Variants in RBMS3 observed in about 807,000 individuals in gnomAD.
The protein encoded by RBMS3 is RNA binding motif single stranded interacting protein 3, also known as RNA-binding motif, single-stranded-interacting protein 3.
Under a neutral mutation model 66.8 loss-of-function variants are expected in RBMS3, and 27 were observed. The ratio of observed to expected loss-of-function variants is 0.40; its 90% CI spans 0.30 to 0.56. RBMS3 has a LOEUF of 0.56. Ranked by LOEUF, RBMS3 falls within the 20% of genes least tolerant of loss-of-function variation. The probability of loss-of-function intolerance (pLI) is 0.40; values close to 1 mark genes in which losing one functional copy is unlikely to be tolerated. For missense variants in RBMS3, 513 were observed against 549.5 expected, an observed-to-expected ratio of 0.93 and a Z score of 0.66; for synonymous variants, 188 against 183.0, an observed-to-expected ratio of 1.03 and a Z score of -0.22.
chr3:29,831,346 T>C (rs1233433859), intron 6 of RBMS3, among the ~76,000 whole-genome samples: 2 of 152,182 alleles, frequency 1.3e-5, no homozygotes, highest in Non-Finnish European at 2.9e-5. Flanking sequence ...CCTTGGTCAT[T>C]GTCCCACATG....
At chr3:29,679,684 G>C (rs772651177) in intron 4 of RBMS3, among the ~76,000 whole-genome samples, 55 of 151,756 alleles carry the variant, frequency 3.6e-4, no homozygotes, top group African/African-American at 1.3e-3. Context: ...TCCCAAGCCA[G>C]TCTAGAGGAT....
intron 2 of RBMS3, among the ~76,000 whole-genome samples, chr3:29,452,174 A>G (rs2042038336): frequency 1.3e-5 from 2 of 152,158 alleles, no homozygotes; most frequent in East Asian, 1.9e-4. Flanking sequence ...TGTACAATAT[A>G]TGGCTCCCTC....
intron 3 of RBMS3, among the ~76,000 whole-genome samples, chr3:29,547,447 A>G (rs2046001233): frequency 6.6e-6 from 1 of 152,090 alleles, no homozygotes; most frequent in Non-Finnish European, 1.5e-5. Flanking sequence ...TCTATCAATC[A>G]GTTCCATTAA....
At chr3:29,620,902 T>A (rs767611475) in intron 4 of RBMS3, among the ~76,000 whole-genome samples, 22 of 152,188 alleles carry the variant, frequency 1.4e-4, no homozygotes, top group Non-Finnish European at 2.9e-4. Context: ...ATTAACCAAT[T>A]ACTTTATTAT....
At chr3:29,936,055 A>G (rs759608778) in intron 10 of RBMS3, 31 bp from the exon 11 acceptor site, 2 of 1,546,372 alleles carry the variant, frequency 1.3e-6, no homozygotes, top group East Asian at 2.3e-5. Flanking sequence ...TGTAGGATAT[A>G]TTTTCAAATG....
intron 5 of RBMS3, among the ~76,000 whole-genome samples, chr3:29,751,834 G>A (rs1160956915): frequency 6.6e-6 from 1 of 152,198 alleles, no homozygotes; most frequent in Non-Finnish European, 1.5e-5. Flanking sequence ...ACGCAGGTGA[G>A]CTGGTGCAGG....
intron 1 of RBMS3, among the ~76,000 whole-genome samples, chr3:29,339,435 G>A (rs1471007398): frequency 6.6e-6 from 1 of 152,134 alleles, no homozygotes; most frequent in Admixed American, 6.6e-5. Context: ...CTGAATTTCT[G>A]ATATTTTGTT....
intron 6 of RBMS3, among the ~76,000 whole-genome samples, chr3:29,804,933 G>A (rs2057499119): frequency 1.2e-5 from 1 of 86,692 alleles, no homozygotes; most frequent in Admixed American, 1.2e-4. Context: ...GTGTGTGTGT[G>A]TGTGTGTGTG....
At chr3:29,859,439 C>G (rs1577013392) in intron 6 of RBMS3, among the ~76,000 whole-genome samples, 1 of 152,294 alleles carries the variant, frequency 6.6e-6, no homozygotes, top group East Asian at 1.9e-4. Flanking sequence ...TTGGAGAAAG[C>G]GTTCACTTAG....
intron 6 of RBMS3, among the ~76,000 whole-genome samples, chr3:29,830,121 A>G (rs974682318): frequency 2.0e-5 from 3 of 151,850 alleles, no homozygotes; most frequent in African/African-American, 7.3e-5. Context: ...TATAGTGCAG[A>G]TATTTTTAGT....
At chr3:29,408,604 T>A (rs13099074) in intron 1 of RBMS3, among the ~76,000 whole-genome samples, 26,646 of 152,178 alleles carry the variant, frequency 0.18, 2,862 homozygotes, top group Non-Finnish European at 0.25. Flanking sequence ...AGGCACAGAC[T>A]TCTGACTCTC....
chr3:29,869,001 G>T (rs1287845614), intron 7 of RBMS3, 37 bp downstream of exon 7: 22 of 1,516,918 alleles, frequency 1.5e-5, no homozygotes, highest in Non-Finnish European at 1.9e-5. Flanking sequence ...CTGAAATTTG[G>T]CAGTAGATAT....
At position 30,005,551 on chromosome 3, in the gene RBMS3, A is replaced by G. The variant is rs1699783591; in HGVS notation, c.*1689A>G. ...TGAAATGGTGAGTGGTCTCCTGGAA[A>G]GGTCTCATTGTATTTGAACAATAGT... On this transcript the variant is annotated 3_prime_UTR_variant, in exon 15 of 15. Transcript: ENST00000383767. 1 of 151,908 alleles carries G rather than the reference A, an allele frequency of 6.6e-6. No individual in the cohort carries two copies. The highest frequency in any genetic ancestry group is 1.9e-4 in the East Asian group (1 of 5,182). The allele number at this position is 151,908 out of a possible 1,614,324, so 9.4% of individuals were successfully genotyped here.
At chr3:29,552,508 GT>G (rs1386773129) in intron 3 of RBMS3, among the ~76,000 whole-genome samples, 1 of 152,054 alleles carries the variant, frequency 6.6e-6, no homozygotes, top group Non-Finnish European at 1.5e-5. Context: ...CAGAGGAAGC[GT>G]TATATTTCTC....
intron 1 of RBMS3, among the ~76,000 whole-genome samples, chr3:29,356,669 T>A (rs1483982021): frequency 2.0e-5 from 3 of 152,200 alleles, no homozygotes; most frequent in Non-Finnish European, 4.4e-5. Context: ...AAGTTAGTAG[T>A]GTTTACACAT....
chr3:29,831,912 G>A (rs2371819), intron 6 of RBMS3, among the ~76,000 whole-genome samples: 76,303 of 151,816 alleles, frequency 0.5, 19,600 homozygotes, highest in Non-Finnish European at 0.55. Context: ...ATAAGATACA[G>A]TTTTTATATA....
chr3:29,468,826 C>G (rs146204359), intron 2 of RBMS3, among the ~76,000 whole-genome samples: 180 of 151,926 alleles, frequency 1.2e-3, no homozygotes, highest in African/African-American at 4.2e-3. Context: ...CTGAAATTAA[C>G]AAAAATCTTA....
At chr3:29,371,069 A>G (rs1269410544) in intron 1 of RBMS3, among the ~76,000 whole-genome samples, 3 of 152,206 alleles carry the variant, frequency 2.0e-5, no homozygotes, top group Non-Finnish European at 4.4e-5. Context: ...TGCTCTAGCA[A>G]TGAGCTGGGT....
chr3:29,815,772 G>A (rs913667104), intron 6 of RBMS3, among the ~76,000 whole-genome samples: 3 of 151,544 alleles, frequency 2.0e-5, no homozygotes, highest in African/African-American at 7.3e-5. Context: ...AATGGACTTC[G>A]AGGACTCAAG....
Sources: allele counts gnomAD v4.1 joint callset (sites outside exome capture counted in the v4.1 genomes callset), GRCh38; gene constraint gnomAD v4.1.1; transcripts MANE v1.5; gene names NCBI Gene and HGNC (gene_info 2026-07-23, HGNC 2026-07-21).